Variants in NTRK2 observed in about 807,000 individuals in gnomAD.
NTRK2 encodes neurotrophic receptor tyrosine kinase 2, also known as BDNF/NT-3 growth factors receptor.
Under a neutral mutation model 94.5 loss-of-function variants are expected in NTRK2, and 13 were observed. That is an observed-to-expected ratio of 0.14 (90% confidence interval 0.09 to 0.22). The LOEUF is 0.22. Among genes scored for constraint, NTRK2 ranks in the 10% least tolerant of loss-of-function variants. NTRK2 has a pLI of 1.00. For missense variants in NTRK2, 639 were observed against 1,071.2 expected (o/e 0.60, Z 5.63); for synonymous variants, 372 against 407.4 (o/e 0.91, Z 1.05).
intron 12 of NTRK2, among the ~76,000 whole-genome samples, chr9:84,789,639 CAGA>C (rs1016513240): frequency 3.3e-5 from 5 of 152,286 alleles, no homozygotes; most frequent in African/African-American, 1.2e-4. Flanking sequence ...GACCTAAATC[CAGA>C]AGAACTGGAT....
chr9:84,814,681 A>G (rs2072194209), intron 12 of NTRK2: 3 of 1,064,818 alleles, frequency 2.8e-6, no homozygotes, highest in Non-Finnish European at 3.4e-6. Flanking sequence ...ATTCCTTCAC[A>G]CTACACTAGA....
At chr9:84,998,821 A>G (rs1588148887) in intron 17 of NTRK2, among the ~76,000 whole-genome samples, 1 of 152,238 alleles carries the variant, frequency 6.6e-6, no homozygotes, top group Non-Finnish European at 1.5e-5. Context: ...TACACATGAT[A>G]CAGTGTCACC....
At chr9:84,942,786 C>G (rs1411225606) in intron 15 of NTRK2, among the ~76,000 whole-genome samples, 1 of 149,680 alleles carries the variant, frequency 6.7e-6, no homozygotes, top group Non-Finnish European at 1.5e-5. Context: ...TTTTTTTTAC[C>G]TAAAATACAT....
chr9:84,864,736 CTTTTTTTTTTTT>C (rs71369154), intron 13 of NTRK2, among the ~76,000 whole-genome samples: 5 of 104,590 alleles, frequency 4.8e-5, no homozygotes, highest in East Asian at 3.1e-4. Context: ...TCTTAATTTT[CTTTTTTTTTTTT>C]TTTTTTTTTT....
chr9:84,856,383 G>A (rs767130502), intron 12 of NTRK2, among the ~76,000 whole-genome samples: 3 of 152,160 alleles, frequency 2.0e-5, no homozygotes, highest in Non-Finnish European at 2.9e-5. Flanking sequence ...TTCTGTGCCC[G>A]GAGGGACTGG....
At chr9:84,909,874 T>C (rs2077187532) in intron 14 of NTRK2, among the ~76,000 whole-genome samples, 1 of 152,168 alleles carries the variant, frequency 6.6e-6, no homozygotes, top group Non-Finnish European at 1.5e-5. Context: ...TCCCAGTGTG[T>C]AGCTTGTCTT....
At chr9:84,825,685 C>T (rs1183520436) in intron 12 of NTRK2, among the ~76,000 whole-genome samples, 1 of 152,174 alleles carries the variant, frequency 6.6e-6, no homozygotes, top group Non-Finnish European at 1.5e-5. Context: ...ATCTTCCCAC[C>T]CTCCTAGAAG....
intron 17 of NTRK2, among the ~76,000 whole-genome samples, chr9:84,984,332 G>T (rs1270798368): frequency 1.3e-5 from 2 of 151,984 alleles, no homozygotes; most frequent in African/African-American, 4.8e-5. Context: ...AATTAGCCTG[G>T]CATAGTGGTG....
intron 17 of NTRK2, among the ~76,000 whole-genome samples, chr9:84,985,347 C>G (rs1828165994): frequency 6.6e-6 from 1 of 152,206 alleles, no homozygotes; most frequent in Admixed American, 6.5e-5. Context: ...TAAGGGCAAA[C>G]TCCTCTGGGC....
chr9:84,812,132 C>T lies in NTRK2; in HGVS notation c.1397-48908C>T, dbSNP rs540611383. The T allele has an allele frequency of 3.8e-6, 4 of 1,059,212 alleles. No individual in the cohort carries two copies. The African/African-American group carries it at 6.6e-5, about 17-fold the overall frequency. The allele number at this position is 1,059,212 out of a possible 1,614,324, so 65.6% of individuals were successfully genotyped here. ...TTCTATAGATTTTTAACTAGTCCAA[C>T]ACAGTCAGAAACATTGTTTTGAATC... On this transcript the variant is annotated intron_variant, in intron 12 of 18. Coordinates refer to ENST00000277120, the MANE Select transcript of NTRK2 (RefSeq NM_006180.6).
intron 14 of NTRK2, among the ~76,000 whole-genome samples, chr9:84,918,139 A>T (rs147460813): frequency 6.6e-6 from 1 of 152,224 alleles, no homozygotes; most frequent in Non-Finnish European, 1.5e-5. Flanking sequence ...ACAGAAAGGC[A>T]CAGTTTTCAT....
At chr9:84,799,255 AT>A (rs1441519346) in intron 12 of NTRK2, among the ~76,000 whole-genome samples, 2 of 152,124 alleles carry the variant, frequency 1.3e-5, no homozygotes, top group Non-Finnish European at 2.9e-5. Flanking sequence ...TGCCTTCAAG[AT>A]CATGCTTCAA....
intron 12 of NTRK2, among the ~76,000 whole-genome samples, chr9:84,771,840 T>C (rs984722223): frequency 3.9e-5 from 6 of 152,222 alleles, no homozygotes; most frequent in African/African-American, 1.4e-4. Flanking sequence ...TTCCTGTTAA[T>C]CTTCCCACTA....
chr9:84,730,162 A>G (rs1588210592), intron 9 of NTRK2, among the ~76,000 whole-genome samples: 1 of 152,274 alleles, frequency 6.6e-6, no homozygotes, highest in East Asian at 1.9e-4. Flanking sequence ...AATATTAATA[A>G]CTGCTTTCAG....
intron 12 of NTRK2, chr9:84,811,863 T>C: frequency 9.4e-7 from 1 of 1,064,962 alleles, no homozygotes; most frequent in Admixed American, 5.3e-5. Flanking sequence ...CTGTTCAGTC[T>C]GTGTCAGGCA....
intron 17 of NTRK2, among the ~76,000 whole-genome samples, chr9:84,963,549 G>A (rs7047427): frequency 0.13 from 20,183 of 152,116 alleles, 1,528 homozygotes; most frequent in African/African-American, 0.19. Context: ...CTGGTCTTGG[G>A]CAATTTGATT....
At chr9:84,852,176 G>A (rs962475866) in intron 12 of NTRK2, among the ~76,000 whole-genome samples, 1 of 152,196 alleles carries the variant, frequency 6.6e-6, no homozygotes, top group Non-Finnish European at 1.5e-5. Context: ...GGACTTGTTA[G>A]TCTCCTGCAG....
rs1379491547 is a variant in NTRK2 at position 85,021,590 on chromosome 9, A to G, written c.*153A>G. On this transcript the variant is annotated 3_prime_UTR_variant, in exon 19 of 19. Transcript: ENST00000277120. ...ACTCCGAGAAGCTCTCGAGGGAAGCAGTGTGTACTTCTTCATCCATAGACA... is the reference window on the plus strand; with the variant it reads ...ACTCCGAGAAGCTCTCGAGGGAAGCGGTGTGTACTTCTTCATCCATAGACA... 6 of 750,086 alleles carry G rather than the reference A, an allele frequency of 8.0e-6. No individual in the cohort carries two copies. In the African/African-American group the frequency reaches 1.0e-4, roughly 13 times the overall value. 46.5% of individuals were successfully genotyped at this position (750,086 alleles called of 1,614,324 possible). A position where few individuals can be genotyped will look rare whatever the true frequency, so the allele number is the denominator to read the frequency against.
At chr9:85,011,175 A>T (rs1831527686) in intron 17 of NTRK2, among the ~76,000 whole-genome samples, 2 of 152,128 alleles carry the variant, frequency 1.3e-5, no homozygotes, top group African/African-American at 2.4e-5. Context: ...ATAATAGGGA[A>T]GCCACCAAGA....
Sources: allele counts gnomAD v4.1 joint callset (sites outside exome capture counted in the v4.1 genomes callset), GRCh38; gene constraint gnomAD v4.1.1; transcripts MANE v1.5; gene names NCBI Gene and HGNC (gene_info 2026-07-23, HGNC 2026-07-21).